TJP3: variants seen among roughly 807,000 people sequenced by gnomAD.
The protein encoded by TJP3 is tight junction protein ZO-3.
In TJP3, 85 loss-of-function variants were observed where a neutral mutation model predicts 104.2. The ratio of observed to expected loss-of-function variants is 0.82; its 90% CI spans 0.68 to 0.98. The LOEUF is 0.98. TJP3 is among the 50% of genes least tolerant of loss of function. TJP3 has a pLI of 0.00. For synonymous variants in TJP3, 550 were observed against 550.6 expected (o/e 1.00, Z 0.02); for missense variants, 1,367 against 1,322.8 (o/e 1.03, Z -0.52).
intron 13 of TJP3, 122 bp downstream of exon 13, chr19:3,739,256 C>T (rs2036780273): frequency 1.2e-6 from 1 of 831,760 alleles, no homozygotes; most frequent in Admixed American, 2.9e-5. Context: ...CTTTGGGAGG[C>T]TGAAGTGGGC....
chr19:3,710,644 G>C lies in TJP3; in HGVS notation c.-10+2083G>C, dbSNP rs1467801456. On this transcript the variant is annotated intron_variant, in intron 1 of 20. Coordinates refer to ENST00000541714, the MANE Select transcript of TJP3 (RefSeq NM_001267560.2). ...GTGGAACCTGACACCCTTTGGAATG[G>C]ATTGAGGTTAGCGGAAGCCTAGGCT... is the stretch of plus-strand genomic sequence containing the variant. Among the ~76,000 whole-genome samples the C allele has an allele frequency of 7.9e-5, 12 of 152,318 alleles. No individual in the cohort carries two copies. The East Asian group carries it at 2.1e-3, about 27-fold the overall frequency.
At position 3,728,487 on chromosome 19, in the gene TJP3, C is replaced by G; in HGVS notation, c.48+7C>G. The G allele has an allele frequency of 6.2e-7, 1 of 1,603,614 alleles. No homozygotes were observed. Among genetic ancestry groups the G allele is most frequent in the Non-Finnish European group, 8.5e-7 (1 of 1,175,296 alleles). On this transcript the variant is annotated splice_region_variant and intron_variant, in intron 2 of 20. Transcript: ENST00000541714. ...CACGGCCACACTGTCCAAGGTGAGGCCTCCCTCTCCCTGTCTGGGTGCCAG... is the reference window on the plus strand; with the variant it reads ...CACGGCCACACTGTCCAAGGTGAGGGCTCCCTCTCCCTGTCTGGGTGCCAG...
At chr19:3,749,071 C>T (rs2036951189) in intron 19 of TJP3, among the ~76,000 whole-genome samples, 1 of 149,462 alleles carries the variant, frequency 6.7e-6, no homozygotes, top group African/African-American at 2.5e-5. Flanking sequence ...AGGGTTTCAC[C>T]ACGCTGGCCA....
intron 10 of TJP3, 58 bp from the exon 11 acceptor site, chr19:3,736,107 T>G: frequency 1.3e-6 from 2 of 1,564,728 alleles, no homozygotes; most frequent in Non-Finnish European, 1.7e-6. Context: ...AGGACAATGC[T>G]GAGCCCTCCC....
rs993155774 is a variant in TJP3, at chr19:3,743,549, A to T, written c.1844-390A>T. 25 of 171,960 alleles carry T rather than the reference A, an allele frequency of 1.5e-4. 1 individual carries two copies. Among genetic ancestry groups the T allele is most frequent in the Non-Finnish European group, 6.2e-5 (5 of 80,516 alleles). 10.7% of individuals were successfully genotyped at this position (171,960 alleles called of 1,614,324 possible). A position where few individuals can be genotyped will look rare whatever the true frequency, so the allele number is the denominator to read the frequency against. On this transcript the variant is annotated intron_variant, in intron 14 of 20. Coordinates refer to ENST00000541714, the MANE Select transcript of TJP3 (RefSeq NM_001267560.2). ...AAATGGTTGTGACTGTGTTTTGATAAAACTTTATTGACGAACACATGCAGT... is the reference window on the plus strand; with the variant it reads ...AAATGGTTGTGACTGTGTTTTGATATAACTTTATTGACGAACACATGCAGT...
At chr19:3,735,387 C>T (rs566350080) in intron 8 of TJP3, among the ~76,000 whole-genome samples, 179 bp from the exon 9 acceptor site, 9 of 151,858 alleles carry the variant, frequency 5.9e-5, no homozygotes, top group South Asian at 2.1e-4. Context: ...TTTGGAGAGA[C>T]GGGGTTTAAC....
At chr19:3,736,128 C>A (rs764262336) in intron 10 of TJP3, 37 bp from the exon 11 acceptor site, 1 of 1,560,758 alleles carries the variant, frequency 6.4e-7, no homozygotes, top group Non-Finnish European at 8.7e-7. Flanking sequence ...TTTGTCCGCC[C>A]ACTCTGCTCT....
Position 3,711,754 on chromosome 19 carries a change from T to G in TJP3, c.-10+3193T>G, listed in dbSNP as rs1290788096. On this transcript the variant is annotated intron_variant, in intron 1 of 20. Coordinates refer to ENST00000541714, the MANE Select transcript of TJP3 (RefSeq NM_001267560.2). ...AAAAGTACAAAAAAAAAAAAAAAGG[T>G]GCTTTATGTGTCTGCTTAATTCATT... Among the ~76,000 whole-genome samples the G allele has an allele frequency of 8.5e-4, 69 of 81,126 alleles. 16 individuals carry two copies. Among genetic ancestry groups the G allele is most frequent in the East Asian group, 5.2e-3 (10 of 1,928 alleles). 53.2% of individuals were successfully genotyped at this position (81,126 alleles called of 152,430 possible).
intron 1 of TJP3, among the ~76,000 whole-genome samples, chr19:3,720,153 G>A (rs945589967): frequency 1.3e-5 from 2 of 152,202 alleles, no homozygotes; most frequent in African/African-American, 4.8e-5. Flanking sequence ...AGTTGTCTGA[G>A]GTCACACAGC....
intron 13 of TJP3, 27 bp downstream of exon 13, chr19:3,739,161 G>A: frequency 1.3e-6 from 2 of 1,486,792 alleles, no homozygotes; most frequent in Non-Finnish European, 1.8e-6. Flanking sequence ...CCTGCAGTGG[G>A]GCACTTCTGC....
intron 1 of TJP3, among the ~76,000 whole-genome samples, chr19:3,723,529 C>G (rs1342238908): frequency 6.6e-6 from 1 of 151,872 alleles, no homozygotes; most frequent in Non-Finnish European, 1.5e-5. Context: ...TGGTGGCTCA[C>G]TCCTGTAATC....
chr19:3,747,978 AG>A lies in TJP3; in HGVS notation c.2508del (p.Glu836AspfsTer58), dbSNP rs2036926080. The part of the protein sequence containing the change: ...EGGPYTDVDD[E>X]PPAPALARSS... ...GGGCCCTACACGGATGTGGATGATG[AG>A]CCCCCGGCTCCAGCCCTGGCCCGGT... On this transcript the variant is annotated frameshift_variant, in exon 19 of 21. Coordinates refer to ENST00000541714, the MANE Select transcript of TJP3 (RefSeq NM_001267560.2). LOFTEE classifies it high-confidence loss of function. 2.5e-6 allele frequency: 4 copies of A among 1,612,488 alleles called. No individual in the cohort carries two copies. The East Asian group carries it at 8.9e-5, about 36-fold the overall frequency.
In TJP3 at chr19:3,746,588, C is replaced by G; in HGVS notation, c.2114C>G (p.Ala705Gly). Residue 705 changes from alanine to glycine, a missense_variant, in exon 17 of 21, where the codon GCC becomes GGC. Transcript: ENST00000541714. This position sits in a 1 kb window ranked among gnomAD's most constrained non-coding sequence, Gnocchi z 4.1. ...TTCTTCATCCCCGAGAGCCGGCCGG[C>G]CCTCAAGGCACTGCGCCAGTGGCTG... ...VVFFIPESRP[A>G]LKALRQWLAP... The G allele has an allele frequency of 6.2e-7, 1 of 1,613,894 alleles. No homozygotes were observed. Among genetic ancestry groups the G allele is most frequent in the Non-Finnish European group, 8.5e-7 (1 of 1,179,986 alleles).
chr19:3,736,273 C>T lies in TJP3; in HGVS notation c.1236C>T (p.Gly412=). The change falls in exon 11 of 21, where the codon GGC becomes GGT. Residue 412 remains glycine, a synonymous_variant. Coordinates refer to ENST00000541714, the MANE Select transcript of TJP3 (RefSeq NM_001267560.2). ...TCTTCGTGTCCGGGGTGCAGGCGGG[C>T]AGCCCGGCCGACGGGCAGGGCATCC... ...VGIFVSGVQA[G]SPADGQGIQE... The T allele has an allele frequency of 6.5e-7, 1 of 1,541,498 alleles. No homozygotes were observed. The highest frequency in any genetic ancestry group is 8.7e-7 in the Non-Finnish European group (1 of 1,146,588).
chr19:3,715,085 G>T (rs186057619), intron 1 of TJP3, among the ~76,000 whole-genome samples: 483 of 147,706 alleles, frequency 3.3e-3, no homozygotes, highest in Non-Finnish European at 4.3e-3. Context: ...TGTTTGTTTG[G>T]TTGGTTGGTT....
chr19:3,709,488 G>A (rs556605331), intron 1 of TJP3, among the ~76,000 whole-genome samples: 42 of 152,332 alleles, frequency 2.8e-4, no homozygotes, highest in African/African-American at 9.9e-4. Flanking sequence ...GAGAGGGGAG[G>A]GGTCGGCAGC....
chr19:3,743,806 A>C, intron 14 of TJP3, 133 bp from the exon 15 acceptor site: 2 of 745,808 alleles, frequency 2.7e-6, no homozygotes, highest in Admixed American at 2.6e-5. Context: ...GAGATGTAGT[A>C]TTTGGCTGGG....
At chr19:3,717,992 G>T (rs981004378) in intron 1 of TJP3, among the ~76,000 whole-genome samples, 1 of 151,400 alleles carries the variant, frequency 6.6e-6, no homozygotes, top group Non-Finnish European at 1.5e-5. Flanking sequence ...GAGGGGGGCG[G>T]ATCACAAGGT....
intron 1 of TJP3, chr19:3,721,968 G>A (rs1202462545): frequency 6.3e-6 from 6 of 951,208 alleles, no homozygotes; most frequent in Non-Finnish European, 6.8e-6. Context: ...GGGGTGGGGG[G>A]AAAGCAGGGT....
Sources: gnomAD v4.1 joint callset for allele counts (sites outside exome capture counted in the v4.1 genomes callset) on GRCh38, gnomAD v4.1.1 for gene constraint, Gnocchi (gnomAD v3.1) non-coding constraint, MANE v1.5 for transcripts, NCBI Gene and HGNC (gene_info 2026-07-23, HGNC 2026-07-21) for gene names.